The following SF3B3 variants were observed in gnomAD, a reference collection of about 807,000 sequenced individuals.
SF3B3 encodes the protein SAP 130.
A neutral mutation model predicts 139.2 loss-of-function variants in SF3B3; 33 were observed. The ratio of observed to expected loss-of-function variants is 0.24; its 90% CI spans 0.18 to 0.32. SF3B3 has a LOEUF of 0.32. Among genes scored for constraint, SF3B3 ranks in the 10% least tolerant of loss-of-function variants. SF3B3 has a pLI of 1.00. For synonymous variants in SF3B3, 596 were observed against 563.6 expected (o/e 1.06, Z -0.81); for missense variants, 818 against 1,509.4 (o/e 0.54, Z 7.59).
At chr16:70,564,925 C>T (rs868665077) in intron 18 of SF3B3, 140 bp from the exon 19 acceptor site, 18 of 712,400 alleles carry the variant, frequency 2.5e-5, no homozygotes, top group Non-Finnish European at 4.3e-5. Flanking sequence ...ATAGTCATGT[C>T]GGGAAATCCT....
intron 17 of SF3B3, among the ~76,000 whole-genome samples, chr16:70,563,213 G>A (rs1225769899): frequency 6.6e-6 from 1 of 152,128 alleles, no homozygotes. Flanking sequence ...TAGGTGATCT[G>A]CCTGCTTTGG....
At chr16:70,568,014 G>A (rs2050493442) in intron 21 of SF3B3, among the ~76,000 whole-genome samples, 1 of 152,154 alleles carries the variant, frequency 6.6e-6, no homozygotes, top group Admixed American at 6.5e-5. Flanking sequence ...AGGAGTAGAG[G>A]GATCTCATTT....
At position 70,539,157 on chromosome 16, in the gene SF3B3, G is replaced by C. The variant is rs749453213; in HGVS notation, c.1017G>C (p.Met339Ile). 2 of 1,614,158 alleles carry C rather than the reference G, an allele frequency of 1.2e-6. No individual in the cohort carries two copies. The highest frequency in any genetic ancestry group is 2.2e-5 in the South Asian group (2 of 91,088). Residue 339 changes from methionine to isoleucine, a missense_variant, in exon 8 of 26, where the codon ATG becomes ATC. Coordinates refer to ENST00000302516, the MANE Select transcript of SF3B3 (RefSeq NM_012426.5). ...ATACTGTACCCGTTGCTGCTGCCAT[G>C]TGTGTGCTTAAAACAGGGTTCCTTT... The part of the protein sequence containing the change: ...YFDTVPVAAA[M>I]CVLKTGFLFV...
intron 11 of SF3B3, among the ~76,000 whole-genome samples, chr16:70,551,532 G>A (rs928389685): frequency 6.6e-6 from 1 of 152,106 alleles, no homozygotes. Flanking sequence ...GAGAAACCCT[G>A]TCTCTACTAA....
At chr16:70,551,418 A>G (rs1044979230) in intron 11 of SF3B3, among the ~76,000 whole-genome samples, 8 of 152,250 alleles carry the variant, frequency 5.3e-5, no homozygotes, top group Middle Eastern at 3.4e-3. Flanking sequence ...TTTTTTTTAA[A>G]ATAGTGTTTT....
intron 10 of SF3B3, among the ~76,000 whole-genome samples, chr16:70,547,023 G>C (rs1383071354): frequency 7.5e-6 from 1 of 133,926 alleles, no homozygotes; most frequent in Non-Finnish European, 1.6e-5. Flanking sequence ...GCGAGACTCC[G>C]TCTCAAAAAA....
intron 21 of SF3B3, among the ~76,000 whole-genome samples, chr16:70,567,975 C>T (rs1198291251): frequency 2.0e-5 from 3 of 152,154 alleles, no homozygotes; most frequent in South Asian, 2.1e-4. Context: ...CGTGAGCCAC[C>T]GCACCGGCCC....
chr16:70,553,596 T>TACGCCAA (rs983440589), intron 11 of SF3B3, among the ~76,000 whole-genome samples: 4 of 152,330 alleles, frequency 2.6e-5, no homozygotes, highest in African/African-American at 9.6e-5. Context: ...TATCAAGCTT[T>TACGCCAA]ACGCCAAACG....
intron 10 of SF3B3, among the ~76,000 whole-genome samples, chr16:70,545,960 A>G (rs1231939377): frequency 6.6e-6 from 1 of 152,170 alleles, no homozygotes; most frequent in African/African-American, 2.4e-5. Context: ...ATTTAGAGCC[A>G]TAGGTCTGGT....
chr16:70,566,907 A>T (rs1257204020), intron 20 of SF3B3, among the ~76,000 whole-genome samples: 2 of 152,172 alleles, frequency 1.3e-5, no homozygotes, highest in South Asian at 2.1e-4. Context: ...ATAATTAGTC[A>T]GGCTTGATGG....
chr16:70,526,864 G>A lies in SF3B3; in HGVS notation c.70+138G>A, dbSNP rs1373115214. On this transcript the variant is annotated intron_variant, in intron 2 of 25. Transcript: ENST00000302516. ...GTAAACAATTCAAATTATGAGATGAGGTGTTAAGTTCTGGTGCATTATCTG... is the reference window on the plus strand; with the variant it reads ...GTAAACAATTCAAATTATGAGATGAAGTGTTAAGTTCTGGTGCATTATCTG... 4 of 644,826 alleles carry A rather than the reference G, an allele frequency of 6.2e-6. No individual in the cohort carries two copies. In the South Asian group the frequency reaches 7.6e-5, roughly 12 times the overall value. The allele number at this position is 644,826 out of a possible 1,614,324, so 39.9% of individuals were successfully genotyped here. A position where few individuals can be genotyped will look rare whatever the true frequency, so the allele number is the denominator to read the frequency against.
chr16:70,561,772 C>T lies in SF3B3; in HGVS notation c.2276C>T (p.Thr759Ile). The T allele has an allele frequency of 6.2e-7, 1 of 1,613,970 alleles. No homozygotes were observed. Among genetic ancestry groups the T allele is most frequent in the Non-Finnish European group, 8.5e-7 (1 of 1,179,892 alleles). ...QCPEGIVAIS[T>I]NTLRILALEK... Reference sequence around the variant, plus strand: ...CCCGAGGGCATTGTGGCCATCTCCACCAACACCCTACGGTGAGTGAGTCTC... The same window carrying T: ...CCCGAGGGCATTGTGGCCATCTCCATCAACACCCTACGGTGAGTGAGTCTC... The change falls in exon 17 of 26, where the codon ACC (threonine) becomes ATC (isoleucine). Residue 759 changes from threonine to isoleucine, a missense_variant. Around this residue, in one of 14 missense-constraint regions of SF3B3, gnomAD observed 170 missense variants for 353.0 expected, o/e 0.48. Coordinates refer to ENST00000302516, the MANE Select transcript of SF3B3 (RefSeq NM_012426.5).
chr16:70,554,085 G>T (rs1478851017), intron 11 of SF3B3: 1 of 163,618 alleles, frequency 6.1e-6, no homozygotes, highest in Non-Finnish European at 1.3e-5. Flanking sequence ...TTCTTAGGAA[G>T]GGGTTGTGTG....
chr16:70,544,064 G>C (rs953834080), intron 9 of SF3B3, among the ~76,000 whole-genome samples: 1 of 152,138 alleles, frequency 6.6e-6, no homozygotes, highest in African/African-American at 2.4e-5. Context: ...CATAGAATCA[G>C]AATAGCAAAA....
intron 10 of SF3B3, 131 bp from the exon 11 acceptor site, chr16:70,548,239 G>A: frequency 1.4e-6 from 1 of 710,654 alleles, no homozygotes; most frequent in Non-Finnish European, 2.5e-6. Flanking sequence ...TCTTTCACTA[G>A]GTGGTTTCAT....
chr16:70,540,549 C>T (rs1295000321), intron 8 of SF3B3, among the ~76,000 whole-genome samples: 2 of 151,950 alleles, frequency 1.3e-5, no homozygotes, highest in Admixed American at 6.6e-5. Flanking sequence ...AAGGTGCATG[C>T]CTGGCTAATA....
At chr16:70,529,628 A>G (rs1243685390) in intron 3 of SF3B3, 1 of 170,628 alleles carries the variant, frequency 5.9e-6, no homozygotes, top group African/African-American at 2.4e-5. Flanking sequence ...ATTTCAGAGA[A>G]TAAGGCTAAT....
At chr16:70,562,082 A>G (rs565663651) in intron 17 of SF3B3, among the ~76,000 whole-genome samples, 55 of 152,348 alleles carry the variant, frequency 3.6e-4, no homozygotes, top group African/African-American at 1.3e-3. Flanking sequence ...GATTAGTTTT[A>G]GAGCAAGTAT....
At chr16:70,534,459 A>C (rs934255778) in intron 5 of SF3B3, among the ~76,000 whole-genome samples, 1 of 152,144 alleles carries the variant, frequency 6.6e-6, no homozygotes, top group Non-Finnish European at 1.5e-5. Flanking sequence ...GGGGAGACTG[A>C]TGAGGACATT....
Sources: allele counts gnomAD v4.1 joint callset (sites outside exome capture counted in the v4.1 genomes callset), GRCh38; gene constraint gnomAD v4.1.1; regional missense constraint gnomAD v4.1.1; transcripts MANE v1.5; gene names NCBI Gene and HGNC (gene_info 2026-07-23, HGNC 2026-07-21).